DOCK10: variants seen among roughly 807,000 people sequenced by gnomAD.
The protein encoded by DOCK10 is dedicator of cytokinesis protein 10.
DOCK10 carries 145 observed loss-of-function variants against 280.1 expected under a neutral mutation model. That is an observed-to-expected ratio of 0.52 (90% CI 0.45 to 0.59). The LOEUF (loss-of-function observed/expected upper bound fraction) is 0.59, where lower values mean the gene tolerates loss of function less well. DOCK10 is among the 20% of genes least tolerant of loss of function. DOCK10 has a pLI of 0.00. For synonymous variants in DOCK10, 915 were observed against 942.2 expected (o/e 0.97, Z 0.53); for missense variants, 2,368 against 2,651.7 (o/e 0.89, Z 2.35).
At position 224,819,432 on chromosome 2, in the gene DOCK10, T is replaced by C; in HGVS notation, c.3267+14A>G. 1.9e-6 allele frequency: 3 copies of C among 1,550,982 alleles called. No individual in the cohort carries two copies. The highest frequency in any genetic ancestry group is 1.8e-6 in the Non-Finnish European group (2 of 1,130,142). On this transcript the variant is annotated intron_variant, in intron 29 of 55. Coordinates refer to ENST00000258390, the MANE Select transcript of DOCK10 (RefSeq NM_014689.3). Reference sequence around the variant, plus strand: ...ATAGTTTAGAAAACAATCACTCCTGTACGTGGTTCTTACCTTAAGGTCACC... The same window carrying C: ...ATAGTTTAGAAAACAATCACTCCTGCACGTGGTTCTTACCTTAAGGTCACC...
rs147616345 is a variant in DOCK10 at position 224,874,879 on chromosome 2, T to C, written c.932-128A>G. On this transcript the variant is annotated intron_variant, in intron 8 of 55. Transcript: ENST00000258390. The stretch of plus-strand genomic sequence containing the variant: ...GGACGTTGGTGAGCCTAAGCTTTCA[T>C]TGTGTTCTGACTCCTGAACTCCACA... The C allele has an allele frequency of 2.1e-3, 1,586 of 761,160 alleles. 17 individuals are homozygous for C. The African/African-American group carries it at 0.024, about 11-fold the overall frequency. 47.2% of individuals were successfully genotyped at this position (761,160 alleles called of 1,614,324 possible). A position where few individuals can be genotyped will look rare whatever the true frequency, so the allele number is the denominator to read the frequency against.
intron 3 of DOCK10, among the ~76,000 whole-genome samples, chr2:224,914,877 A>G (rs1333748852): frequency 1.3e-5 from 2 of 152,186 alleles, no homozygotes; most frequent in East Asian, 1.9e-4. Flanking sequence ...AATACGAACT[A>G]TTAGGATAAG....
chr2:224,961,412 C>CTTTCTTTTCTT (rs57668925), intron 1 of DOCK10, among the ~76,000 whole-genome samples: 1 of 119,382 alleles, frequency 8.4e-6, no homozygotes, highest in South Asian at 2.9e-4. Flanking sequence ...TTCTTTCTTT[C>CTTTCTTTTCTT]TCTTTCTTTC....
At chr2:224,908,791 C>T (rs1700831905) in intron 3 of DOCK10, among the ~76,000 whole-genome samples, 2 of 152,096 alleles carry the variant, frequency 1.3e-5, no homozygotes, top group Non-Finnish European at 2.9e-5. Flanking sequence ...GCCATTGCAC[C>T]CAGCCTGCTT....
At chr2:224,902,703 AT>A (rs34406882) in intron 3 of DOCK10, among the ~76,000 whole-genome samples, 438 of 145,768 alleles carry the variant, frequency 3.0e-3, no homozygotes, top group Middle Eastern at 3.6e-3. Flanking sequence ...CACTGAAAAC[AT>A]TTTTTTTTTT....
At position 224,797,707 on chromosome 2, in the gene DOCK10, C is replaced by T. The variant is rs1692681086; in HGVS notation, c.4644+125G>A. ...GACCAGGAATCAATGTCTAATAAAACCCAAATTGAAGAAAACAATCCTTCT... is the reference window on the plus strand; with the variant it reads ...GACCAGGAATCAATGTCTAATAAAATCCAAATTGAAGAAAACAATCCTTCT... On this transcript the variant is annotated intron_variant, in intron 42 of 55. Coordinates refer to ENST00000258390, the MANE Select transcript of DOCK10 (RefSeq NM_014689.3). 4 of 1,171,514 alleles carry T rather than the reference C, an allele frequency of 3.4e-6. No individual in the cohort carries two copies. In the South Asian group the frequency reaches 5.2e-5, roughly 15 times the overall value. The allele number at this position is 1,171,514 out of a possible 1,614,324, so 72.6% of individuals were successfully genotyped here.
At position 224,853,125 on chromosome 2, in the gene DOCK10, T is replaced by TA; in HGVS notation, c.1889-4dup. The TA allele has an allele frequency of 6.4e-7, 1 of 1,553,918 alleles. No homozygotes were observed. The highest frequency in any genetic ancestry group is 8.7e-7 in the Non-Finnish European group (1 of 1,147,814). On this transcript the variant is annotated splice_polypyrimidine_tract_variant and splice_region_variant and intron_variant, in intron 16 of 55. Coordinates refer to ENST00000258390, the MANE Select transcript of DOCK10 (RefSeq NM_014689.3). The stretch of plus-strand genomic sequence containing the variant: ...GATAAAGGACGATGTTACACAATCT[T>TA]AAAAAATCAGAAAATAAGAGTTTGT...
intron 2 of DOCK10, among the ~76,000 whole-genome samples, chr2:224,922,091 C>T (rs1332593852): frequency 1.4e-5 from 2 of 146,770 alleles, no homozygotes; most frequent in Non-Finnish European, 3.0e-5. Flanking sequence ...TGTACTCCAG[C>T]CCGGGCAGCA....
At chr2:224,925,604 C>T (rs1429714163) in intron 2 of DOCK10, among the ~76,000 whole-genome samples, 2 of 152,174 alleles carry the variant, frequency 1.3e-5, no homozygotes, top group Admixed American at 6.5e-5. Context: ...ATATAAACAG[C>T]TTAGATCACC....
chr2:224,860,754 G>A (rs915817642), intron 14 of DOCK10: 1 of 151,648 alleles, frequency 6.6e-6, no homozygotes. Flanking sequence ...TTTAAAAGTT[G>A]TTTTTAGAGA....
intron 1 of DOCK10, among the ~76,000 whole-genome samples, chr2:224,995,766 T>C (rs896170484): frequency 2.0e-5 from 3 of 152,230 alleles, no homozygotes; most frequent in Non-Finnish European, 4.4e-5. Context: ...AGCTGCATTT[T>C]TAACTTTTTG....
At chr2:224,895,596 G>C (rs1244314028) in intron 4 of DOCK10, among the ~76,000 whole-genome samples, 1 of 152,072 alleles carries the variant, frequency 6.6e-6, no homozygotes, top group African/African-American at 2.4e-5. Flanking sequence ...CTTCTTACAG[G>C]CCTGCAGGGG....
intron 44 of DOCK10, 90 bp downstream of exon 44, chr2:224,796,226 A>G (rs1692565648): frequency 1.2e-6 from 1 of 845,208 alleles, no homozygotes. Flanking sequence ...ACTGTACCCA[A>G]TCTATTTTTA....
intron 31 of DOCK10, among the ~76,000 whole-genome samples, chr2:224,810,435 C>T (rs898847684): frequency 1.3e-5 from 2 of 151,818 alleles, no homozygotes; most frequent in Non-Finnish European, 2.9e-5. Flanking sequence ...TAGTAAGAAT[C>T]GTTAATAATA....
chr2:224,863,504 G>C (rs1324364308), intron 13 of DOCK10, among the ~76,000 whole-genome samples: 1 of 151,844 alleles, frequency 6.6e-6, no homozygotes, highest in Non-Finnish European at 1.5e-5. Flanking sequence ...CCAGGCTGGA[G>C]TGCAGTGGCA....
intron 1 of DOCK10, among the ~76,000 whole-genome samples, chr2:224,969,426 A>T (rs1704959630): frequency 6.6e-6 from 1 of 152,204 alleles, no homozygotes; most frequent in South Asian, 2.1e-4. Context: ...ATGGTTCATC[A>T]TTTCTTTTTG....
Position 225,038,266 on chromosome 2 carries a change from C to G in DOCK10, c.123+3986G>C, listed in dbSNP as rs540253575. Among the ~76,000 whole-genome samples, 11 of 111,814 alleles carry G rather than the reference C, an allele frequency of 9.8e-5. No homozygotes were observed. The Admixed American group carries it at 1.0e-3, about 10-fold the overall frequency. The allele number at this position is 111,814 out of a possible 152,430, so 73.4% of individuals were successfully genotyped here. On this transcript the variant is annotated intron_variant, in intron 1 of 55. Coordinates refer to ENST00000258390, the MANE Select transcript of DOCK10 (RefSeq NM_014689.3). ...TGACTTTTGGGAAATTCCAGTATCC[C>G]CCACTCAATTAAAAAAAAAAAAATC...
At chr2:224,778,495 C>T in intron 50 of DOCK10, 1 of 604,838 alleles carries the variant, frequency 1.7e-6, no homozygotes, top group Non-Finnish European at 2.9e-6. Flanking sequence ...TAAATATTTC[C>T]TAGCCAGGCC....
At chr2:224,877,736 C>T (rs530470264) in intron 7 of DOCK10, among the ~76,000 whole-genome samples, 67 of 152,194 alleles carry the variant, frequency 4.4e-4, no homozygotes, top group African/African-American at 1.3e-3. Context: ...ACATTTAAAG[C>T]GGGGGAACCC....
Sources: allele counts gnomAD v4.1 joint callset (sites outside exome capture counted in the v4.1 genomes callset), GRCh38; gene constraint gnomAD v4.1.1; transcripts MANE v1.5; gene names NCBI Gene and HGNC (gene_info 2026-07-23, HGNC 2026-07-21).